PITPNC1: variants seen among roughly 807,000 people sequenced by gnomAD.
PITPNC1 encodes phosphatidylinositol transfer protein cytoplasmic 1, also known as cytoplasmic phosphatidylinositol transfer protein 1.
In PITPNC1, 18 loss-of-function variants were observed where a neutral mutation model predicts 44.7. The ratio of observed to expected loss-of-function variants is 0.40; its 90% CI spans 0.28 to 0.60. The LOEUF (loss-of-function observed/expected upper bound fraction) is 0.60, where lower values mean the gene tolerates loss of function less well. Among genes scored for constraint, PITPNC1 ranks in the 20% least tolerant of loss-of-function variants. PITPNC1 has a pLI of 0.39. For synonymous variants in PITPNC1, 141 were observed against 149.6 expected (o/e 0.94, Z 0.42); for missense variants, 290 against 418.4 (o/e 0.69, Z 2.68).
At chr17:67,564,844 A>G (rs1290991156) in intron 4 of PITPNC1, among the ~76,000 whole-genome samples, 1 of 152,218 alleles carries the variant, frequency 6.6e-6, no homozygotes, top group Non-Finnish European at 1.5e-5. Context: ...GTAACATCCA[A>G]GCATTATAAA....
At chr17:67,454,105 C>G (rs2039222735) in intron 1 of PITPNC1, among the ~76,000 whole-genome samples, 1 of 151,934 alleles carries the variant, frequency 6.6e-6, no homozygotes, top group South Asian at 2.1e-4. Flanking sequence ...ACAAAAATTA[C>G]CTGGGCCTGG....
chr17:67,687,980 C>T (rs2042847087), intron 8 of PITPNC1, among the ~76,000 whole-genome samples: 1 of 151,414 alleles, frequency 6.6e-6, no homozygotes, highest in African/African-American at 2.4e-5. Context: ...TCTTTGGGTT[C>T]CGCCTTGAGT....
chr17:67,608,088 A>T (rs1311319824), intron 5 of PITPNC1, among the ~76,000 whole-genome samples: 1 of 152,158 alleles, frequency 6.6e-6, no homozygotes, highest in African/African-American at 2.4e-5. Flanking sequence ...TCCCTTACGT[A>T]ACCATCGTGC....
chr17:67,631,741 A>T (rs1164715644), intron 5 of PITPNC1, among the ~76,000 whole-genome samples: 1 of 144,414 alleles, frequency 6.9e-6, no homozygotes, highest in Non-Finnish European at 1.5e-5. Context: ...CTCTTGGCCT[A>T]TATCCCTGCT....
chr17:67,459,315 C>T (rs1176086687), intron 1 of PITPNC1, among the ~76,000 whole-genome samples: 8 of 151,982 alleles, frequency 5.3e-5, no homozygotes, highest in African/African-American at 1.9e-4. Flanking sequence ...AGGGGTTTCA[C>T]CATGTTGGCC....
intron 1 of PITPNC1, among the ~76,000 whole-genome samples, chr17:67,424,558 G>T (rs1185052644): frequency 3.3e-5 from 5 of 152,062 alleles, no homozygotes; most frequent in Non-Finnish European, 7.4e-5. Flanking sequence ...TCAGGAGGCT[G>T]AGGCAGAGGA....
At chr17:67,483,145 T>C (rs1366044560) in intron 1 of PITPNC1, among the ~76,000 whole-genome samples, 1 of 152,192 alleles carries the variant, frequency 6.6e-6, no homozygotes, top group Non-Finnish European at 1.5e-5. Flanking sequence ...CCCCAGGTCC[T>C]TTCTGGATGC....
chr17:67,634,055 C>T (rs2042001621), intron 6 of PITPNC1, among the ~76,000 whole-genome samples: 1 of 152,176 alleles, frequency 6.6e-6, no homozygotes. Flanking sequence ...GCTCTGTGCC[C>T]CCAAAGAACC....
rs534125247 is a variant in PITPNC1 at position 67,557,126 on chromosome 17, C to T, written c.294+3509C>T. On this transcript the variant is annotated intron_variant, in intron 4 of 8. Transcript: ENST00000581322. ...CTCACAGTTGCAGAAGCTGAAAGTGCGACTGGGTTCCTGGTGAGGGCTGTC... is the reference window on the plus strand; with the variant it reads ...CTCACAGTTGCAGAAGCTGAAAGTGTGACTGGGTTCCTGGTGAGGGCTGTC... Among the ~76,000 whole-genome samples, 5 of 152,224 alleles carry T rather than the reference C, an allele frequency of 3.3e-5. 1 individual carries two copies. The highest frequency in any genetic ancestry group is 1.2e-4 in the African/African-American group (5 of 41,536).
In PITPNC1 at chr17:67,589,421, C is replaced by T. The variant is rs541456485; in HGVS notation, c.366+11164C>T. Among the ~76,000 whole-genome samples the T allele has an allele frequency of 3.3e-5, 5 of 152,260 alleles. No individual in the cohort carries two copies. The South Asian group carries it at 1.0e-3, about 32-fold the overall frequency. Reference sequence around the variant, plus strand: ...GGTGCTGTGATAAATTCAAAAAGACCTGCCTCCTCTGATGTGCTAGTATCA... The same window carrying T: ...GGTGCTGTGATAAATTCAAAAAGACTTGCCTCCTCTGATGTGCTAGTATCA... On this transcript the variant is annotated intron_variant, in intron 5 of 8. Transcript: ENST00000581322.
chr17:67,434,305 T>C (rs949302055), intron 1 of PITPNC1, among the ~76,000 whole-genome samples: 1 of 152,204 alleles, frequency 6.6e-6, no homozygotes. Flanking sequence ...TTGAATGCAA[T>C]CTGCTCTGTG....
In PITPNC1 at chr17:67,694,754, C is replaced by CTTGTGGGAAAACCTAATATTTTA. The variant is rs1276569239; in HGVS notation, c.*1868_*1890dup. Reference sequence around the variant, plus strand: ...GCATGGTATGGAAGCATGATTTTTGCTTGTGGGAAAACCTAATATTTTATC... The same window carrying CTTGTGGGAAAACCTAATATTTTA: ...GCATGGTATGGAAGCATGATTTTTGCTTGTGGGAAAACCTAATATTTTATTGTGGGAAAACCTAATATTTTATC... On this transcript the variant is annotated 3_prime_UTR_variant, in exon 9 of 9. Coordinates refer to ENST00000581322, the MANE Select transcript of PITPNC1 (RefSeq NM_012417.4). 3 of 152,128 alleles carry CTTGTGGGAAAACCTAATATTTTA rather than the reference C, an allele frequency of 2.0e-5. No homozygotes were observed. Among genetic ancestry groups the CTTGTGGGAAAACCTAATATTTTA allele is most frequent in the Non-Finnish European group, 4.4e-5 (3 of 68,022 alleles). 9.4% of individuals were successfully genotyped at this position (152,128 alleles called of 1,614,324 possible).
At chr17:67,458,899 T>A (rs1567997837) in intron 1 of PITPNC1, among the ~76,000 whole-genome samples, 1 of 152,094 alleles carries the variant, frequency 6.6e-6, no homozygotes, top group Non-Finnish European at 1.5e-5. Context: ...GTTAATTTCT[T>A]AGTTTAGAAC....
At chr17:67,446,024 G>T (rs1160611900) in intron 1 of PITPNC1, among the ~76,000 whole-genome samples, 2 of 151,880 alleles carry the variant, frequency 1.3e-5, no homozygotes, top group Non-Finnish European at 2.9e-5. Context: ...TCGGCTCACT[G>T]CAACCTCTGC....
intron 2 of PITPNC1, among the ~76,000 whole-genome samples, chr17:67,550,833 G>C (rs551817611): frequency 6.6e-6 from 1 of 152,254 alleles, no homozygotes; most frequent in South Asian, 2.1e-4. Context: ...AGGCCGAGGC[G>C]GGTGGATCAT....
At chr17:67,522,385 T>G (rs545546706) in intron 1 of PITPNC1, among the ~76,000 whole-genome samples, 1 of 152,208 alleles carries the variant, frequency 6.6e-6, no homozygotes, top group South Asian at 2.1e-4. Context: ...TCAGGGAATC[T>G]CATGTAACAT....
In PITPNC1 at chr17:67,377,549, G is replaced by C. The variant is rs1296497476; in HGVS notation, c.-606G>C. 6.5e-6 allele frequency: 1 copy of C among 153,672 alleles called. No individual in the cohort carries two copies. Among genetic ancestry groups the C allele is most frequent in the East Asian group, 1.9e-4 (1 of 5,206 alleles). 9.5% of individuals were successfully genotyped at this position (153,672 alleles called of 1,614,324 possible). A position where few individuals can be genotyped will look rare whatever the true frequency, so the allele number is the denominator to read the frequency against. Reference sequence around the variant, plus strand: ...TCTCCCCGAGCCGAGCCCCGGAGCGGCGCGGGGACCGGCCCTAAAAAGAGC... The same window carrying C: ...TCTCCCCGAGCCGAGCCCCGGAGCGCCGCGGGGACCGGCCCTAAAAAGAGC... On this transcript the variant is annotated 5_prime_UTR_variant, in exon 1 of 9. Transcript: ENST00000581322.
intron 1 of PITPNC1, among the ~76,000 whole-genome samples, chr17:67,513,154 A>G (rs921325350): frequency 1.4e-4 from 22 of 152,256 alleles, no homozygotes; most frequent in African/African-American, 5.3e-4. Flanking sequence ...ATCTGAGGTC[A>G]GGAGTTGGAG....
chr17:67,452,718 C>T (rs2039200638), intron 1 of PITPNC1, among the ~76,000 whole-genome samples: 1 of 151,954 alleles, frequency 6.6e-6, no homozygotes, highest in Non-Finnish European at 1.5e-5. Context: ...GTCACGAACT[C>T]CTCATGATCC....
Sources: allele counts gnomAD v4.1 joint callset (sites outside exome capture counted in the v4.1 genomes callset), GRCh38; gene constraint gnomAD v4.1.1; transcripts MANE v1.5; gene names NCBI Gene and HGNC (gene_info 2026-07-23, HGNC 2026-07-21).